Variants in PRAMEF11 observed in about 807,000 individuals in gnomAD.
PRAMEF11 encodes PRAME family member 11.
Under a neutral mutation model 33.6 loss-of-function variants are expected in PRAMEF11, and 17 were observed. The ratio of observed to expected loss-of-function variants is 0.51; its 90% CI spans 0.35 to 0.76. PRAMEF11 has a LOEUF of 0.76. Ranked by LOEUF, PRAMEF11 falls within the 30% of genes least tolerant of loss-of-function variation. The pLI is 0.01. For missense variants in PRAMEF11, 568 were observed against 567.0 expected, an observed-to-expected ratio of 1.00 and a Z score of -0.02; for synonymous variants, 205 against 227.3, an observed-to-expected ratio of 0.90 and a Z score of 0.88.
chr1:12,828,405 A>T, intron 2 of PRAMEF11, 92 bp downstream of exon 2: 1 of 1,432,428 alleles, frequency 7.0e-7, no homozygotes, highest in Non-Finnish European at 9.5e-7. Flanking sequence ...CACCACCACC[A>T]TCCCCCTTGG....
At chr1:12,829,800 G>C (rs565881881) in intron 1 of PRAMEF11, among the ~76,000 whole-genome samples, 1 of 151,106 alleles carries the variant, frequency 6.6e-6, no homozygotes, top group Non-Finnish European at 1.5e-5. Context: ...TTGAACCCAG[G>C]AGGCAGAAGT....
chr1:12,828,026 C>A (rs1639913623), intron 2 of PRAMEF11, among the ~76,000 whole-genome samples, 196 bp from the exon 3 acceptor site: 1 of 149,860 alleles, frequency 6.7e-6, no homozygotes, highest in African/African-American at 2.5e-5. Context: ...CCTTCTGTCG[C>A]CCAGGCTAGA....
Position 12,828,496 on chromosome 1 carries a change from C to G in PRAMEF11, c.293+1G>C, listed in dbSNP as rs1421928328. 1 of 1,598,252 alleles carries G rather than the reference C, an allele frequency of 6.3e-7. No homozygotes were observed. Among genetic ancestry groups the G allele is most frequent in the Admixed American group, 1.7e-5 (1 of 58,540 alleles). ...CCACCAGCCCACCTGGGCCACCTCA[C>G]CTGGGACGAACCCCTTGGGTAAGCA... On this transcript the variant is annotated splice_donor_variant, in intron 2 of 3. Coordinates refer to ENST00000619922, the MANE Select transcript of PRAMEF11 (RefSeq NM_001146344.3). LOFTEE classifies it high-confidence loss of function.
In PRAMEF11 at chr1:12,827,541, G is replaced by A. The variant is rs182233185; in HGVS notation, c.583C>T (p.Arg195Cys). Residue 195 changes from arginine to cysteine, a missense_variant, in exon 3 of 4, where the codon CGC becomes TGC. Around this residue, in one of 3 missense-constraint regions of PRAMEF11, gnomAD observed 342 missense variants for 312.0 expected, o/e 1.10. Transcript: ENST00000619922. Reference sequence around the variant, plus strand: ...ATTTTCAGGATGCTTCTGATATTGCGGAAGGGCATTCCCAAAATTTTCAGC... The same window carrying A: ...ATTTTCAGGATGCTTCTGATATTGCAGAAGGGCATTCCCAAAATTTTCAGC... ...KKLKILGMPF[R>C]NIRSILKMVN... 3.0e-3 allele frequency: 4,802 copies of A among 1,609,994 alleles called. 228 individuals are homozygous for A. In the African/African-American group the frequency reaches 0.057, roughly 19 times the overall value.
chr1:12,828,285 T>C (rs1639920202), intron 2 of PRAMEF11, among the ~76,000 whole-genome samples: 1 of 148,390 alleles, frequency 6.7e-6, no homozygotes, highest in African/African-American at 2.5e-5. Flanking sequence ...CTTTTCATGG[T>C]GCCTTTCAGT....
rs780898303 is a variant in PRAMEF11 at position 12,828,469 on chromosome 1, C to G, written c.293+28G>C. 127 of 1,587,048 alleles carry G rather than the reference C, an allele frequency of 8.0e-5. 3 individuals are homozygous for G. Among genetic ancestry groups the G allele is most frequent in the Non-Finnish European group, 1.0e-4 (119 of 1,163,756 alleles). On this transcript the variant is annotated intron_variant, in intron 2 of 3. Coordinates refer to ENST00000619922, the MANE Select transcript of PRAMEF11 (RefSeq NM_001146344.3). ...TCCTTCAGTTGGACACCTGGGCCCT[C>G]CCCACCAGCCCACCTGGGCCACCTC...
rs1319796502 is a variant in PRAMEF11 at position 12,828,543 on chromosome 1, C to G, written c.247G>C (p.Val83Leu). 2.0e-5 allele frequency: 32 copies of G among 1,604,836 alleles called. 2 individuals are homozygous for G. The highest frequency in any genetic ancestry group is 2.6e-5 in the Non-Finnish European group (31 of 1,175,462). The change falls in exon 2 of 4, where the codon GTG becomes CTG. Residue 83 changes from valine to leucine, a missense_variant. Around this residue, in one of 3 missense-constraint regions of PRAMEF11, gnomAD observed 342 missense variants for 312.0 expected, o/e 1.10. Coordinates refer to ENST00000619922, the MANE Select transcript of PRAMEF11 (RefSeq NM_001146344.3). The stretch of plus-strand genomic sequence containing the variant: ...AGCAGTGCATCCAGCCCATCGAGCA[C>G]AGCTTGGAAGGCCTCCAGACAAGGC... ...KMPCLEAFQA[V>L]LDGLDALLTQ... is the part of the protein sequence containing the mutation.
chr1:12,827,543 A>T lies in PRAMEF11; in HGVS notation c.581T>A (p.Phe194Tyr). Residue 194 changes from phenylalanine to tyrosine, a missense_variant, in exon 3 of 4, where the codon TTC becomes TAC. Coordinates refer to ENST00000619922, the MANE Select transcript of PRAMEF11 (RefSeq NM_001146344.3). Reference protein sequence around the residue: ...CKKLKILGMPFRNIRSILKMV... With the variant: ...CKKLKILGMPYRNIRSILKMV... ...TTTCAGGATGCTTCTGATATTGCGG[A>T]AGGGCATTCCCAAAATTTTCAGCTT... 2 of 1,610,206 alleles carry T rather than the reference A, an allele frequency of 1.2e-6. No individual in the cohort carries two copies. The highest frequency in any genetic ancestry group is 8.5e-7 in the Non-Finnish European group (1 of 1,178,080).
At position 12,825,400 on chromosome 1, in the gene PRAMEF11, T is replaced by C; in HGVS notation, c.979A>G (p.Thr327Ala). 1 of 1,310,842 alleles carries C rather than the reference T, an allele frequency of 7.6e-7. No individual in the cohort carries two copies. Among genetic ancestry groups the C allele is most frequent in the South Asian group, 1.3e-5 (1 of 78,058 alleles). The allele number at this position is 1,310,842 out of a possible 1,614,324, so 81.2% of individuals were successfully genotyped here. The change falls in exon 4 of 4, where the codon ACC (threonine) becomes GCC (alanine). Residue 327 changes from threonine (T) to alanine (A), a missense_variant. Thr to Ala is a moderately conservative substitution (Grantham distance 58). Coordinates refer to ENST00000619922, the MANE Select transcript of PRAMEF11 (RefSeq NM_001146344.3). The part of the protein sequence containing the change: ...SQCPSISQLK[T>A]LDLSGIRLTN... The stretch of plus-strand genomic sequence containing the variant: ...AGTCTGATGCCACTCAGGTCCAGGG[T>C]CTTTAGTTGACTGATACTCGGGCAC...
At chr1:12,826,925 C>G (rs1489197438) in intron 3 of PRAMEF11, among the ~76,000 whole-genome samples, 3 of 151,264 alleles carry the variant, frequency 2.0e-5, no homozygotes, top group East Asian at 2.0e-4. Flanking sequence ...CGCCCCTGGC[C>G]TATTTTTCAT....
In PRAMEF11 at chr1:12,829,374, TTCTCTCATTCTC is replaced by T. The variant is rs1335956507; in HGVS notation, c.-16-581_-16-570del. Among the ~76,000 whole-genome samples, 50 of 149,256 alleles carry T rather than the reference TTCTCTCATTCTC, an allele frequency of 3.3e-4. 1 individual carries two copies. The highest frequency in any genetic ancestry group is 3.5e-3 in the Middle Eastern group (1 of 288). On this transcript the variant is annotated intron_variant, in intron 1 of 3. Transcript: ENST00000619922. Reference sequence around the variant, plus strand: ...TTCTTGTCTTCTTTCCCTGCCTCCCTTCTCTCATTCTCTCTCTCTTTCTCTCTCTCCCTCTCT... The same window carrying T: ...TTCTTGTCTTCTTTCCCTGCCTCCCTTCTCTCTTTCTCTCTCTCCCTCTCT...
Position 12,825,984 on chromosome 1 carries a change from A to AAT in PRAMEF11, c.876-482_876-481insAT, listed in dbSNP as rs1247933297. Among the ~76,000 whole-genome samples, 101 of 148,892 alleles carry AAT rather than the reference A, an allele frequency of 6.8e-4. 3 individuals are homozygous for AAT. Among genetic ancestry groups the AAT allele is most frequent in the African/African-American group, 2.4e-3 (98 of 40,726 alleles). ...GTGATACTCTATTAAAAAAAAAAAA[A>AAT]GGAGAAAAAATAATTCCATTTCAGG... On this transcript the variant is annotated intron_variant, in intron 3 of 3. Coordinates refer to ENST00000619922, the MANE Select transcript of PRAMEF11 (RefSeq NM_001146344.3).
chr1:12,825,852 C>G (rs367608774), intron 3 of PRAMEF11, among the ~76,000 whole-genome samples: 4 of 150,398 alleles, frequency 2.7e-5, no homozygotes, highest in Non-Finnish European at 5.9e-5. Flanking sequence ...CGGGAGCCTG[C>G]AATTCCAGCT....
Position 12,828,674 on chromosome 1 carries a change from G to T in PRAMEF11, c.116C>A (p.Pro39His), listed in dbSNP as rs1639932971. Residue 39 changes from proline (P) to histidine (H), a missense_variant, in exon 2 of 4, where the codon CCC (proline) becomes CAC (histidine). Physicochemically the swap from Pro to His is moderately conservative, Grantham distance 77. This residue lies in a region of PRAMEF11 where 342 missense variants were observed against 312.0 expected (regional missense o/e 1.10). Transcript: ENST00000619922. ...TLEELPTELFPPLFMEAFSRR... is the reference protein window; with the variant it reads ...TLEELPTELFHPLFMEAFSRR... Reference sequence around the variant, plus strand: ...GCTGAAGGCCTCCATGAACAGTGGGGGGAAAAGTTCCGTGGGCAGCTCCTC... The same window carrying T: ...GCTGAAGGCCTCCATGAACAGTGGGTGGAAAAGTTCCGTGGGCAGCTCCTC... The T allele has an allele frequency of 6.2e-7, 1 of 1,610,526 alleles. No individual in the cohort carries two copies. The highest frequency in any genetic ancestry group is 8.5e-7 in the Non-Finnish European group (1 of 1,178,086).
Position 12,828,270 on chromosome 1 carries a change from T to C in PRAMEF11, c.293+227A>G, listed in dbSNP as rs540381207. Among the ~76,000 whole-genome samples, 2 of 147,974 alleles carry C rather than the reference T, an allele frequency of 1.4e-5. 1 individual carries two copies. The highest frequency in any genetic ancestry group is 1.4e-4 in the Admixed American group (2 of 14,742). Reference sequence around the variant, plus strand: ...TGTGAGCCACCGTGCCCGGCCCAGTTCTCACTTTTCATGGTGCCTTTCAGT... The same window carrying C: ...TGTGAGCCACCGTGCCCGGCCCAGTCCTCACTTTTCATGGTGCCTTTCAGT... On this transcript the variant is annotated intron_variant, in intron 2 of 3. Coordinates refer to ENST00000619922, the MANE Select transcript of PRAMEF11 (RefSeq NM_001146344.3).
At chr1:12,827,026 C>A (rs1326871874) in intron 3 of PRAMEF11, among the ~76,000 whole-genome samples, 1 of 151,212 alleles carries the variant, frequency 6.6e-6, no homozygotes, top group Non-Finnish European at 1.5e-5. Flanking sequence ...CCTAGCATGG[C>A]AGCCTCTCTA....
At chr1:12,827,121 T>C in intron 3 of PRAMEF11, 128 bp downstream of exon 3, 3 of 1,558,628 alleles carry the variant, frequency 1.9e-6, no homozygotes, top group Non-Finnish European at 8.7e-7. Flanking sequence ...AACAGGACAA[T>C]GCATGGACAT....
chr1:12,826,629 G>C (rs1221544159), intron 3 of PRAMEF11, among the ~76,000 whole-genome samples: 1 of 151,088 alleles, frequency 6.6e-6, no homozygotes, highest in African/African-American at 2.4e-5. Context: ...AGGTGTGGTG[G>C]CCCACGCCTG....
At chr1:12,830,610 C>T (rs1639984883) in intron 1 of PRAMEF11, among the ~76,000 whole-genome samples, 1 of 150,936 alleles carries the variant, frequency 6.6e-6, no homozygotes, top group African/African-American at 2.4e-5. Flanking sequence ...CCTCAATCTT[C>T]TGGGCTCAAG....
Sources: allele counts gnomAD v4.1 joint callset (sites outside exome capture counted in the v4.1 genomes callset), GRCh38; gene constraint gnomAD v4.1.1; regional missense constraint gnomAD v4.1.1; transcripts MANE v1.5; gene names NCBI Gene and HGNC (gene_info 2026-07-23, HGNC 2026-07-21).